Variants in SPTLC3 observed in about 807,000 individuals in gnomAD.
SPTLC3 encodes the protein serine palmitoyltransferase 3.
A neutral mutation model predicts 59.3 loss-of-function variants in SPTLC3; 36 were observed. The ratio of observed to expected loss-of-function variants is 0.61; its 90% CI spans 0.47 to 0.80. The LOEUF (loss-of-function observed/expected upper bound fraction) is 0.80. SPTLC3 is among the 30% of genes least tolerant of loss of function. The pLI, the probability that SPTLC3 is intolerant of heterozygous loss-of-function variation, is 0.00. For synonymous variants in SPTLC3, 257 were observed against 240.8 expected (o/e 1.07, Z -0.62); for missense variants, 625 against 685.1 (o/e 0.91, Z 0.98).
intron 9 of SPTLC3, among the ~76,000 whole-genome samples, chr20:13,132,328 C>T (rs1006130824): frequency 6.6e-6 from 1 of 151,774 alleles, no homozygotes; most frequent in Non-Finnish European, 1.5e-5. Flanking sequence ...AGGAACCCAC[C>T]GCCACGCCCA....
chr20:13,074,225 C>A, intron 3 of SPTLC3, 124 bp from the exon 4 acceptor site: 3 of 1,208,886 alleles, frequency 2.5e-6, no homozygotes, highest in Non-Finnish European at 3.6e-6. Context: ...ATCTGAGCTG[C>A]CATCTCCTTG....
Position 13,117,635 on chromosome 20 carries a change from C to T in SPTLC3, c.1062C>T (p.Phe354=), listed in dbSNP as rs1438856663. The change falls in exon 8 of 12, where the codon TTC becomes TTT. Residue 354 remains phenylalanine, a synonymous_variant. Coordinates refer to ENST00000399002, the MANE Select transcript of SPTLC3 (RefSeq NM_018327.4). ...CAACCGGCCGGGGTGTCACGGAGTT[C>T]TTTGGACTAGACCCTCATGAAGTTG... ...VGPTGRGVTE[F]FGLDPHEVDV... 1.9e-6 allele frequency: 3 copies of T among 1,614,078 alleles called. No individual in the cohort carries two copies. The South Asian group carries it at 3.3e-5, about 18-fold the overall frequency.
intron 1 of SPTLC3, among the ~76,000 whole-genome samples, chr20:13,029,909 C>T (rs1986347082): frequency 6.6e-6 from 1 of 152,132 alleles, no homozygotes; most frequent in East Asian, 1.9e-4. Context: ...CTTTCTAGGT[C>T]AGAGAGCCTT....
At chr20:13,046,249 C>T (rs1427994199) in intron 1 of SPTLC3, among the ~76,000 whole-genome samples, 1 of 152,128 alleles carries the variant, frequency 6.6e-6, no homozygotes, top group East Asian at 1.9e-4. Context: ...TAAACTGTGG[C>T]CCGTAGTAAT....
At chr20:13,077,855 C>T (rs1988700798) in intron 4 of SPTLC3, among the ~76,000 whole-genome samples, 1 of 151,502 alleles carries the variant, frequency 6.6e-6, no homozygotes, top group South Asian at 2.1e-4. Flanking sequence ...AATCACAGCT[C>T]ACTGTAACCT....
intron 9 of SPTLC3, 105 bp downstream of exon 9, chr20:13,126,822 A>G: frequency 7.1e-7 from 1 of 1,410,112 alleles, no homozygotes; most frequent in Admixed American, 2.4e-5. Context: ...ATAGAACCCT[A>G]TTTGTAAATC....
intron 9 of SPTLC3, among the ~76,000 whole-genome samples, chr20:13,141,551 A>T (rs947619883): frequency 1.3e-5 from 2 of 152,172 alleles, no homozygotes; most frequent in African/African-American, 4.8e-5. Flanking sequence ...AGGTCCCTCA[A>T]TGAAAACAAG....
At chr20:13,144,086 A>G (rs1035868874) in intron 9 of SPTLC3, among the ~76,000 whole-genome samples, 1 of 152,152 alleles carries the variant, frequency 6.6e-6, no homozygotes, top group Admixed American at 6.5e-5. Context: ...TTTTTAGCTT[A>G]TGATGATCTA....
chr20:13,144,963 C>T (rs948878014), intron 9 of SPTLC3, among the ~76,000 whole-genome samples: 2 of 151,970 alleles, frequency 1.3e-5, no homozygotes, highest in Non-Finnish European at 2.9e-5. Flanking sequence ...TTTTAGTAGA[C>T]ACAGGGTTTC....
intron 10 of SPTLC3, among the ~76,000 whole-genome samples, chr20:13,155,179 C>A (rs1322467480): frequency 6.6e-6 from 1 of 151,008 alleles, no homozygotes; most frequent in East Asian, 1.9e-4. Context: ...CAGAATGAGA[C>A]CCTGTCAAAA....
rs1332318998 is a variant in SPTLC3, at chr20:13,164,810, C to A, written c.1602C>A (p.His534Gln). Residue 534 changes from histidine to glutamine, a missense_variant, in exon 12 of 12, where the codon CAC becomes CAA. Coordinates refer to ENST00000399002, the MANE Select transcript of SPTLC3 (RefSeq NM_018327.4). ...TCTTGCAACTGAAATATTCCCGGCA[C>A]AAGAAGTCAGCACGTCCTGAGCTCT... The part of the protein sequence containing the change: ...GDLLQLKYSR[H>Q]KKSARPELYD... 1.5e-5 allele frequency: 25 copies of A among 1,613,876 alleles called. No homozygotes were observed. The highest frequency in any genetic ancestry group is 2.0e-5 in the Non-Finnish European group (24 of 1,179,886).
chr20:13,037,087 G>C (rs190905305), intron 1 of SPTLC3, among the ~76,000 whole-genome samples: 1 of 152,134 alleles, frequency 6.6e-6, no homozygotes, highest in Non-Finnish European at 1.5e-5. Context: ...GAAGGTTGCT[G>C]TAATTCCAGA....
At chr20:13,163,392 A>T (rs946188780) in intron 11 of SPTLC3, among the ~76,000 whole-genome samples, 10 of 140,972 alleles carry the variant, frequency 7.1e-5, no homozygotes, top group Non-Finnish European at 1.5e-5. Flanking sequence ...AAAAAAAAAT[A>T]GAAATCCTAA....
At chr20:13,033,225 A>T (rs770971509) in intron 1 of SPTLC3, among the ~76,000 whole-genome samples, 1 of 152,208 alleles carries the variant, frequency 6.6e-6, no homozygotes. Context: ...TTCTGATAGT[A>T]TGTGTGTATT....
intron 9 of SPTLC3, among the ~76,000 whole-genome samples, chr20:13,133,935 C>A (rs2038184663): frequency 6.6e-6 from 1 of 152,302 alleles, no homozygotes; most frequent in Admixed American, 6.5e-5. Context: ...GGGCCTCAAT[C>A]CCCTGTATGA....
chr20:13,161,258 C>T (rs1218773035), intron 11 of SPTLC3, among the ~76,000 whole-genome samples: 1 of 152,134 alleles, frequency 6.6e-6, no homozygotes, highest in Non-Finnish European at 1.5e-5. Context: ...ATAAGGTATA[C>T]AGTAAGGAAC....
At chr20:13,091,356 C>T (rs7266637) in intron 5 of SPTLC3, 149 bp downstream of exon 5, 79,983 of 942,206 alleles carry the variant, frequency 0.085, 3,782 homozygotes, top group Middle Eastern at 0.12. Context: ...GGGCGGATCA[C>T]GAGGTCAAGA....
At chr20:13,063,029 C>T (rs186967445) in intron 2 of SPTLC3, among the ~76,000 whole-genome samples, 24 of 152,208 alleles carry the variant, frequency 1.6e-4, no homozygotes, top group Admixed American at 1.4e-3. Context: ...TTGCCTAGAC[C>T]GACTCCAGTG....
intron 9 of SPTLC3, among the ~76,000 whole-genome samples, chr20:13,138,514 T>G (rs543053469): frequency 6.6e-5 from 10 of 152,332 alleles, no homozygotes; most frequent in African/African-American, 1.7e-4. Flanking sequence ...TAGGTAGTGA[T>G]TAGTTATTTA....
Sources: gnomAD v4.1 joint callset for allele counts (sites outside exome capture counted in the v4.1 genomes callset) on GRCh38, gnomAD v4.1.1 for gene constraint, MANE v1.5 for transcripts, NCBI Gene and HGNC (gene_info 2026-07-23, HGNC 2026-07-21) for gene names.